Variants in FSTL4 observed in about 807,000 individuals in gnomAD.
The protein encoded by FSTL4 is follistatin-related protein 4.
In FSTL4, 28 loss-of-function variants were observed where a neutral mutation model predicts 78.2. The observed-to-expected ratio is 0.36, with a 90% confidence interval of 0.27 to 0.49. The LOEUF (loss-of-function observed/expected upper bound fraction) is 0.49, where lower values mean the gene tolerates loss of function less well. Among genes scored for constraint, FSTL4 ranks in the 20% least tolerant of loss-of-function variants. FSTL4 has a pLI of 0.98. For missense variants in FSTL4, 922 were observed against 1,084.9 expected (o/e 0.85, Z 2.11); for synonymous variants, 422 against 440.5 (o/e 0.96, Z 0.53).
At chr5:133,546,685 C>T (rs931909338) in intron 3 of FSTL4, among the ~76,000 whole-genome samples, 1 of 152,080 alleles carries the variant, frequency 6.6e-6, no homozygotes, top group African/African-American at 2.4e-5. Flanking sequence ...TTGCATCATA[C>T]ACCCACAGGC....
rs779094547 is a variant in FSTL4 at position 133,583,316 on chromosome 5, C to G, written c.127-16097G>C. The G allele has an allele frequency of 1.1e-4, 29 of 265,650 alleles. 4 individuals carry two copies. Among genetic ancestry groups the G allele is most frequent in the Non-Finnish European group, 2.3e-5 (3 of 129,756 alleles). 16.5% of individuals were successfully genotyped at this position (265,650 alleles called of 1,614,324 possible). The stretch of plus-strand genomic sequence containing the variant: ...AGGAGCCAAGATGGCCGAATAGGAA[C>G]AGCTCCGGTCTACAGCTCCCAGCGT... On this transcript the variant is annotated intron_variant, in intron 2 of 15. Coordinates refer to ENST00000265342, the MANE Select transcript of FSTL4 (RefSeq NM_015082.2).
At chr5:133,768,020 G>A in the FSTL4 span, among the ~76,000 whole-genome samples, 3 of 152,188 alleles carry the variant, frequency 2.0e-5, no homozygotes, top group African/African-American at 7.2e-5. Flanking sequence ...TGAGAACTAT[G>A]AAAAATATTT....
intron 6 of FSTL4, among the ~76,000 whole-genome samples, chr5:133,265,310 G>A (rs566155484): frequency 9.2e-5 from 14 of 152,314 alleles, no homozygotes; most frequent in East Asian, 5.8e-4. Flanking sequence ...TTCCCCCGTC[G>A]CTGGCCACCA....
chr5:133,217,225 G>C lies in FSTL4; in HGVS notation c.1608+4C>G. ...GTTTTCCTCACTCCATTAAAGAGGT[G>C]TACCTGTAGGACTTTCTGGGCTTGG... is the stretch of plus-strand genomic sequence containing the variant. On this transcript the variant is annotated splice_donor_region_variant and intron_variant, in intron 13 of 15. Transcript: ENST00000265342. 6.2e-7 allele frequency: 1 copy of C among 1,612,582 alleles called. No individual in the cohort carries two copies.
At chr5:133,394,161 T>C (rs565842842) in intron 4 of FSTL4, among the ~76,000 whole-genome samples, 21 of 152,354 alleles carry the variant, frequency 1.4e-4, no homozygotes, top group African/African-American at 5.1e-4. Flanking sequence ...ATGAGAATGT[T>C]GCAGTAGCTT....
At chr5:133,201,433 G>A (rs1249465987) in intron 15 of FSTL4, among the ~76,000 whole-genome samples, 3 of 152,196 alleles carry the variant, frequency 2.0e-5, no homozygotes, top group Admixed American at 6.5e-5. Context: ...ATTATGGGCT[G>A]TGGTTAGATG....
At chr5:133,486,686 T>C (rs926871776) in intron 3 of FSTL4, among the ~76,000 whole-genome samples, 1 of 152,060 alleles carries the variant, frequency 6.6e-6, no homozygotes, top group African/African-American at 2.4e-5. Flanking sequence ...AACGGCCCCC[T>C]CTTCACCCTG....
chr5:133,279,544 G>A (rs1752965232), intron 6 of FSTL4, among the ~76,000 whole-genome samples: 1 of 152,206 alleles, frequency 6.6e-6, no homozygotes, highest in South Asian at 2.1e-4. Flanking sequence ...GTCTGGGTTG[G>A]CCACGTGCAC....
the FSTL4 span, among the ~76,000 whole-genome samples, chr5:133,674,044 G>A: frequency 6.6e-6 from 1 of 152,160 alleles, no homozygotes; most frequent in Non-Finnish European, 1.5e-5. Flanking sequence ...TACAGTGCAC[G>A]CTGTGATACA....
At chr5:133,728,088 A>C in the FSTL4 span, among the ~76,000 whole-genome samples, 5 of 152,358 alleles carry the variant, frequency 3.3e-5, no homozygotes, top group East Asian at 9.6e-4. Flanking sequence ...CCTGTAGAAG[A>C]GATGGCATTC....
chr5:133,651,941 A>C, the FSTL4 span, among the ~76,000 whole-genome samples: 1 of 152,124 alleles, frequency 6.6e-6, no homozygotes, highest in South Asian at 2.1e-4. Flanking sequence ...TAATAGATAT[A>C]GGCCCTTTCA....
intron 6 of FSTL4, among the ~76,000 whole-genome samples, chr5:133,310,346 G>A (rs543992142): frequency 2.0e-5 from 3 of 152,354 alleles, no homozygotes; most frequent in East Asian, 1.9e-4. Context: ...ATCCAGGAAC[G>A]AAGGGAGCTG....
chr5:133,316,548 C>A lies in FSTL4; in HGVS notation c.514G>T (p.Ala172Ser). ...TCCACCAGGAGGCGCTTCTGGGAGG[C>A]AGGGTCTTGTCTGCTGTCTCCTTCT... The part of the protein sequence containing the change: ...LQEGDSRQDP[A>S]SQKRLLVESL... The change falls in exon 5 of 16, where the codon GCC (alanine) becomes TCC (serine). Residue 172 changes from alanine (A) to serine (S), a missense_variant. Ala to Ser is a moderately conservative substitution (Grantham distance 99). Transcript: ENST00000265342. 6.2e-7 allele frequency: 1 copy of A among 1,614,122 alleles called. No homozygotes were observed. The highest frequency in any genetic ancestry group is 8.5e-7 in the Non-Finnish European group (1 of 1,179,994).
In FSTL4 at chr5:133,405,142, C is replaced by T. The variant is rs145773946; in HGVS notation, c.161-4156G>A. Among the ~76,000 whole-genome samples, 513 of 152,338 alleles carry T rather than the reference C, an allele frequency of 3.4e-3. 2 individuals carry two copies. The highest frequency in any genetic ancestry group is 0.012 in the African/African-American group (496 of 41,574). On this transcript the variant is annotated intron_variant, in intron 3 of 15. Transcript: ENST00000265342. ...TCTCAGCCAGATGTTCTGCCTAGGCCTGCTCCTGAAGGCTGTCAGTGCCCC... is the reference window on the plus strand; with the variant it reads ...TCTCAGCCAGATGTTCTGCCTAGGCTTGCTCCTGAAGGCTGTCAGTGCCCC...
chr5:133,245,316 G>A (rs7716496), intron 7 of FSTL4, among the ~76,000 whole-genome samples: 2 of 151,718 alleles, frequency 1.3e-5, no homozygotes, highest in African/African-American at 4.8e-5. Context: ...CCTCTGTTAT[G>A]TGAACTCCCT....
At chr5:133,405,683 C>G (rs1756346371) in intron 3 of FSTL4, among the ~76,000 whole-genome samples, 1 of 152,240 alleles carries the variant, frequency 6.6e-6, no homozygotes, top group Non-Finnish European at 1.5e-5. Flanking sequence ...AACTTATACC[C>G]TCACACGTGG....
the FSTL4 span, among the ~76,000 whole-genome samples, chr5:133,702,104 A>T: frequency 6.6e-6 from 1 of 152,242 alleles, no homozygotes; most frequent in Non-Finnish European, 1.5e-5. Context: ...CCTAAGGAAC[A>T]CATTTTAGTA....
intron 8 of FSTL4, among the ~76,000 whole-genome samples, chr5:133,230,054 C>T (rs952108801): frequency 6.6e-6 from 1 of 152,166 alleles, no homozygotes; most frequent in East Asian, 1.9e-4. Flanking sequence ...CTTTTACTGG[C>T]GGTGGGCTTG....
chr5:133,535,084 TAAG>T (rs1183922953), intron 3 of FSTL4, among the ~76,000 whole-genome samples: 3 of 152,164 alleles, frequency 2.0e-5, no homozygotes, highest in African/African-American at 7.2e-5. Context: ...GTTGGCCTCA[TAAG>T]AAGAGGCACA....
Sources: allele counts gnomAD v4.1 joint callset (sites outside exome capture counted in the v4.1 genomes callset), GRCh38; gene constraint gnomAD v4.1.1; transcripts MANE v1.5; gene names NCBI Gene and HGNC (gene_info 2026-07-23, HGNC 2026-07-21).